Variants in NEXMIF observed in about 807,000 individuals in gnomAD.
NEXMIF encodes XLMR protein related to neurite extension.
A neutral mutation model predicts 62.1 loss-of-function variants in NEXMIF; 8 were observed. The ratio of observed to expected loss-of-function variants is 0.13; its 90% CI spans 0.08 to 0.23. NEXMIF has a LOEUF of 0.23. NEXMIF is among the 10% of genes least tolerant of loss of function. The pLI is 1.00. For synonymous variants in NEXMIF, 404 were observed against 416.6 expected, an observed-to-expected ratio of 0.97 and a Z score of 0.37; for missense variants, 976 against 1,113.3, an observed-to-expected ratio of 0.88 and a Z score of 1.75.
chrX:74,888,886 A>C (rs1366211937), intron 1 of NEXMIF, among the ~76,000 whole-genome samples: 2 of 111,515 alleles, frequency 1.8e-5, no homozygotes, highest in Non-Finnish European at 3.8e-5. Flanking sequence ...AAAAAGTAGC[A>C]GGAAAAAAAT....
chrX:74,904,671 GA>G (rs2147370841), intron 1 of NEXMIF, among the ~76,000 whole-genome samples: 1 of 111,143 alleles, frequency 9.0e-6, no homozygotes, highest in East Asian at 2.8e-4. Context: ...TTTTTACGAT[GA>G]AAAATTGCAG....
intron 1 of NEXMIF, among the ~76,000 whole-genome samples, chrX:74,872,560 G>A (rs1218016321): frequency 9.1e-6 from 1 of 109,308 alleles, no homozygotes; most frequent in Non-Finnish European, 1.9e-5. Context: ...ATTTACTATA[G>A]TCACTTAGTA....
chrX:74,921,722 GAA>G (rs11334882), intron 1 of NEXMIF, among the ~76,000 whole-genome samples: 1 of 103,855 alleles, frequency 9.6e-6, no homozygotes, highest in African/African-American at 3.5e-5. Flanking sequence ...GGAAGTAAAA[GAA>G]AAAAAAAATG....
chrX:74,788,951 C>T (rs4560954), intron 1 of NEXMIF, among the ~76,000 whole-genome samples: 1 of 110,249 alleles, frequency 9.1e-6, no homozygotes, highest in Non-Finnish European at 1.9e-5. Flanking sequence ...CATTGATATT[C>T]TTTTATTTAT....
intron 1 of NEXMIF, among the ~76,000 whole-genome samples, chrX:74,831,580 A>G (rs1424476604): frequency 3.6e-5 from 4 of 109,988 alleles, no homozygotes; most frequent in Admixed American, 9.7e-5. Flanking sequence ...AATTTTCTTA[A>G]TCCAGTCTAT....
At chrX:74,852,045 C>A (rs952640357) in intron 1 of NEXMIF, among the ~76,000 whole-genome samples, 1 of 110,293 alleles carries the variant, frequency 9.1e-6, no homozygotes, top group East Asian at 2.8e-4. Flanking sequence ...AAAAAAATGA[C>A]CTATGTATAG....
intron 1 of NEXMIF, among the ~76,000 whole-genome samples, chrX:74,880,207 A>G (rs2080657276): frequency 8.9e-6 from 1 of 112,163 alleles, no homozygotes; most frequent in African/African-American, 3.2e-5. Context: ...TATTGTGAAT[A>G]AACACTCTCT....
chrX:74,765,871 CAAAA>C lies in NEXMIF; in HGVS notation c.-47-20178_-47-20175del, dbSNP rs755196904. Reference sequence around the variant, plus strand: ...TAAAACCGCATCTCTACTGAAAATACAAAAAAAAAAAAAAAAAAAAGTAACCAGG... The same window carrying C: ...TAAAACCGCATCTCTACTGAAAATACAAAAAAAAAAAAAAAAGTAACCAGG... On this transcript the variant is annotated intron_variant, in intron 1 of 3. Coordinates refer to ENST00000055682, the MANE Select transcript of NEXMIF (RefSeq NM_001008537.3). Among the ~76,000 whole-genome samples, 74 of 28,952 alleles carry C rather than the reference CAAAA, an allele frequency of 2.6e-3. No individual in the cohort carries two copies. In the East Asian group the frequency reaches 0.064, roughly 25 times the overall value. The allele number at this position is 28,952 out of a possible 115,157, so 25.1% of individuals were successfully genotyped here. A position where few individuals can be genotyped will look rare whatever the true frequency, so the allele number is the denominator to read the frequency against.
intron 1 of NEXMIF, among the ~76,000 whole-genome samples, chrX:74,825,990 T>A (rs754880961): frequency 8.9e-6 from 1 of 112,981 alleles, no homozygotes; most frequent in African/African-American, 3.2e-5. Flanking sequence ...GGTGTACTTG[T>A]GTATTTATAA....
intron 1 of NEXMIF, among the ~76,000 whole-genome samples, chrX:74,753,525 G>A (rs925599249): frequency 9.9e-5 from 11 of 111,650 alleles, no homozygotes; most frequent in African/African-American, 3.6e-4. Context: ...TGTCTTTATT[G>A]GAGGAAATGC....
chrX:74,894,564 T>C (rs770788064), intron 1 of NEXMIF, among the ~76,000 whole-genome samples: 10 of 111,720 alleles, frequency 9.0e-5, no homozygotes, highest in Admixed American at 6.6e-4. Context: ...ATATCTCTGA[T>C]AAATATTGAT....
At chrX:74,793,952 G>T (rs1320896611) in intron 1 of NEXMIF, among the ~76,000 whole-genome samples, 11 of 83,032 alleles carry the variant, frequency 1.3e-4, no homozygotes, top group African/African-American at 4.6e-4. Context: ...TAATTTGATC[G>T]TCTGAAGCCT....
chrX:74,745,513 T>C, intron 2 of NEXMIF, 59 bp downstream of exon 2: 1 of 836,647 alleles, frequency 1.2e-6, no homozygotes, highest in Non-Finnish European at 1.8e-6. Flanking sequence ...TGAAAATCCA[T>C]AGTAATAACA....
At chrX:74,878,083 A>C (rs1377469996) in intron 1 of NEXMIF, among the ~76,000 whole-genome samples, 1 of 110,770 alleles carries the variant, frequency 9.0e-6, no homozygotes, top group African/African-American at 3.3e-5. Context: ...TAGAGTTTCC[A>C]GTTTTTCTGT....
At chrX:74,892,541 C>T (rs1241679195) in intron 1 of NEXMIF, among the ~76,000 whole-genome samples, 1 of 112,165 alleles carries the variant, frequency 8.9e-6, no homozygotes, top group Non-Finnish European at 1.9e-5. Flanking sequence ...GGTTTCACTA[C>T]TGAGTTATAG....
chrX:74,865,528 G>C (rs776224300), intron 1 of NEXMIF, among the ~76,000 whole-genome samples: 1 of 112,446 alleles, frequency 8.9e-6, no homozygotes, highest in East Asian at 2.8e-4. Flanking sequence ...GCCTCCTGCA[G>C]AAATTTGCAT....
intron 1 of NEXMIF, among the ~76,000 whole-genome samples, chrX:74,910,112 G>A (rs1428584795): frequency 8.9e-6 from 1 of 112,322 alleles, no homozygotes; most frequent in Non-Finnish European, 1.9e-5. Flanking sequence ...TAGTGGAGCT[G>A]TGAGAAGAGG....
intron 1 of NEXMIF, among the ~76,000 whole-genome samples, chrX:74,883,796 C>T (rs900153829): frequency 3.8e-4 from 42 of 111,258 alleles, no homozygotes; most frequent in African/African-American, 1.0e-3. Flanking sequence ...ATACAGAGAA[C>T]GCCACAAAGA....
chrX:74,829,485 G>A (rs1400640904), intron 1 of NEXMIF, among the ~76,000 whole-genome samples: 1 of 111,921 alleles, frequency 8.9e-6, no homozygotes, highest in Non-Finnish European at 1.9e-5. Flanking sequence ...CCAAATCTTG[G>A]CTATTGTGAA....
Sources: allele counts gnomAD v4.1 joint callset (sites outside exome capture counted in the v4.1 genomes callset), GRCh38; gene constraint gnomAD v4.1.1; transcripts MANE v1.5; gene names NCBI Gene and HGNC (gene_info 2026-07-23, HGNC 2026-07-21).